CACNA1G: variants seen among roughly 807,000 people sequenced by gnomAD.
CACNA1G encodes the protein calcium voltage-gated channel subunit alpha1 G.
Under a neutral mutation model 219.4 loss-of-function variants are expected in CACNA1G, and 67 were observed. That is an observed-to-expected ratio of 0.31 (90% CI 0.25 to 0.37). The LOEUF is 0.37. Ranked by LOEUF, CACNA1G falls within the 10% of genes least tolerant of loss-of-function variation. The pLI is 1.00. For missense variants in CACNA1G, 2,380 were observed against 3,231.4 expected, an observed-to-expected ratio of 0.74 and a Z score of 6.39; for synonymous variants, 1,296 against 1,345.3, an observed-to-expected ratio of 0.96 and a Z score of 0.80.
chr17:50,619,069 G>A, intron 33 of CACNA1G, 61 bp downstream of exon 33: 1 of 1,341,314 alleles, frequency 7.5e-7, no homozygotes, highest in Non-Finnish European at 9.9e-7. Flanking sequence ...TGTGGAGGGT[G>A]GTGGGCGGGA....
rs1311583665 is a variant in CACNA1G, at chr17:50,599,475, C to A, written c.3306C>A (p.Ser1102Arg). The A allele has an allele frequency of 1.9e-6, 3 of 1,584,456 alleles. No homozygotes were observed. The change falls in exon 17 of 38, where the codon AGC (serine) becomes AGA (arginine). Residue 1102 changes from serine to arginine, a missense_variant. By Grantham distance (110) the Ser-to-Arg change is moderately radical (BLOSUM62 -1). Coordinates refer to ENST00000359106, the MANE Select transcript of CACNA1G (RefSeq NM_018896.5). ...SPHSPWSAAS[S>R]WTSRRSSRNS... is the part of the protein sequence containing the mutation. Reference sequence around the variant, plus strand: ...ACAGCCCCTGGAGCGCTGCAAGCAGCTGGACCAGCAGGCGCTCCAGCCGGA... The same window carrying A: ...ACAGCCCCTGGAGCGCTGCAAGCAGATGGACCAGCAGGCGCTCCAGCCGGA...
In CACNA1G at chr17:50,591,951, G is replaced by A. The variant is rs2145511306; in HGVS notation, c.2769G>A (p.Glu923=). The A allele has an allele frequency of 1.2e-6, 2 of 1,613,966 alleles. No homozygotes were observed. Among genetic ancestry groups the A allele is most frequent in the Middle Eastern group, 1.6e-4 (1 of 6,062 alleles). ...IVTVFQILTQ[E]DWNKVLYNGM... ...TCTGCCCGCAGATCCTGACCCAGGAGGACTGGAACAAAGTCCTCTACAATG... is the reference window on the plus strand; with the variant it reads ...TCTGCCCGCAGATCCTGACCCAGGAAGACTGGAACAAAGTCCTCTACAATG... Residue 923 remains glutamate, a synonymous_variant, in exon 13 of 38, where the codon GAG becomes GAA. Coordinates refer to ENST00000359106, the MANE Select transcript of CACNA1G (RefSeq NM_018896.5).
rs765921624 is a variant in CACNA1G, at chr17:50,596,518, A to C, written c.2980-44A>C. Reference sequence around the variant, plus strand: ...GAGGCCCGGTCCATCCCAACCACCCAAGCCTGGCCGGATCCCTAATGGTCC... The same window carrying C: ...GAGGCCCGGTCCATCCCAACCACCCCAGCCTGGCCGGATCCCTAATGGTCC... On this transcript the variant is annotated intron_variant, in intron 14 of 37. Coordinates refer to ENST00000359106, the MANE Select transcript of CACNA1G (RefSeq NM_018896.5). This position sits in a 1 kb window ranked among gnomAD's most constrained non-coding sequence, Gnocchi z 4.8. 6.4e-7 allele frequency: 1 copy of C among 1,559,620 alleles called. No individual in the cohort carries two copies. The highest frequency in any genetic ancestry group is 1.7e-5 in the Admixed American group (1 of 59,760).
At chr17:50,588,569 A>T (rs2043482949) in intron 9 of CACNA1G, among the ~76,000 whole-genome samples, 1 of 152,192 alleles carries the variant, frequency 6.6e-6, no homozygotes, top group Non-Finnish European at 1.5e-5. Flanking sequence ...CACCTCCTGT[A>T]CTGTGCTCAC....
chr17:50,603,108 G>A lies in CACNA1G; in HGVS notation c.4078G>A (p.Asp1360Asn), dbSNP rs764973866. 1.9e-6 allele frequency: 3 copies of A among 1,613,384 alleles called. No individual in the cohort carries two copies. Among genetic ancestry groups the A allele is most frequent in the Admixed American group, 1.7e-5 (1 of 60,010 alleles). The stretch of plus-strand genomic sequence containing the variant: ...GCTGTTGGTGCTCATCTCCGTCATC[G>A]ACATTCTGGTGTCCATGGTCTCTGA... Reference protein sequence around the residue: ...DGLLVLISVIDILVSMVSDSG... With the variant: ...DGLLVLISVINILVSMVSDSG... The change falls in exon 21 of 38, where the codon GAC (aspartate) becomes AAC (asparagine). Residue 1360 changes from aspartate to asparagine, a missense_variant. Coordinates refer to ENST00000359106, the MANE Select transcript of CACNA1G (RefSeq NM_018896.5). The surrounding 1 kb of genome is among the most constrained non-coding windows in gnomAD (Gnocchi z 6.4).
chr17:50,575,266 A>C (rs577828187), intron 7 of CACNA1G, among the ~76,000 whole-genome samples: 2 of 152,246 alleles, frequency 1.3e-5, no homozygotes, highest in East Asian at 3.9e-4. Flanking sequence ...AATATCTTGG[A>C]ATTTCATAGA....
intron 14 of CACNA1G, among the ~76,000 whole-genome samples, chr17:50,595,990 G>A (rs1429696441): frequency 6.6e-6 from 1 of 152,224 alleles, no homozygotes; most frequent in Non-Finnish European, 1.5e-5. Flanking sequence ...GAGACAGGGA[G>A]AGAGGTAAAA....
chr17:50,576,435 T>C, intron 8 of CACNA1G, 109 bp downstream of exon 8: 2 of 1,095,628 alleles, frequency 1.8e-6, no homozygotes, highest in Non-Finnish European at 2.7e-6. Flanking sequence ...TATATTCTCA[T>C]GCTGCCTCTC....
intron 4 of CACNA1G, among the ~76,000 whole-genome samples, chr17:50,570,222 G>A (rs1000915561): frequency 1.3e-5 from 2 of 152,176 alleles, no homozygotes; most frequent in East Asian, 1.9e-4. Flanking sequence ...CACGCTGAAC[G>A]TGACTTCTCT....
chr17:50,575,689 C>T lies in CACNA1G; in HGVS notation c.1287C>T (p.Pro429=), dbSNP rs746504110. 9.3e-6 allele frequency: 15 copies of T among 1,610,038 alleles called. No individual in the cohort carries two copies. The highest frequency in any genetic ancestry group is 1.3e-5 in the African/African-American group (1 of 74,848). Residue 429 remains proline (P), a synonymous_variant, in exon 8 of 38, where the codon CCC becomes CCT. Coordinates refer to ENST00000359106, the MANE Select transcript of CACNA1G (RefSeq NM_018896.5). ...GCACCCTGGCTAGCTTCTCTGAGCC[C>T]GGCAGCTGCTATGAGGAGCTGCTCA... ...NASTLASFSE[P]GSCYEELLKY... is the part of the protein sequence containing the mutation.
At chr17:50,604,476 C>T (rs1339530646) in intron 22 of CACNA1G, among the ~76,000 whole-genome samples, 195 bp downstream of exon 22, 1 of 152,236 alleles carries the variant, frequency 6.6e-6, no homozygotes, top group Non-Finnish European at 1.5e-5. Flanking sequence ...TAGAGGAAGG[C>T]CCCAAGGAGG....
chr17:50,604,577 G>A (rs1430287642), intron 22 of CACNA1G, among the ~76,000 whole-genome samples: 5 of 152,240 alleles, frequency 3.3e-5, no homozygotes, highest in Admixed American at 1.3e-4. Context: ...ACGCTGGCCC[G>A]CGGTCTACTC....
At chr17:50,601,254 AG>A (rs2046572774) in intron 19 of CACNA1G, 80 bp downstream of exon 19, 1 of 1,549,626 alleles carries the variant, frequency 6.5e-7, no homozygotes, top group Non-Finnish European at 8.8e-7. Context: ...AGGAGGCCAC[AG>A]TTGCTGACCT....
At chr17:50,598,619 T>A (rs78868121) in intron 16 of CACNA1G, among the ~76,000 whole-genome samples, 11 of 152,378 alleles carry the variant, frequency 7.2e-5, no homozygotes, top group Non-Finnish European at 1.5e-4. Flanking sequence ...GCGCTTGTTA[T>A]CTTTCATCAC....
In CACNA1G at chr17:50,596,795, G is replaced by A. The variant is rs1156636529; in HGVS notation, c.3130G>A (p.Ala1044Thr). 1 of 1,611,260 alleles carries A rather than the reference G, an allele frequency of 6.2e-7. No individual in the cohort carries two copies. Among genetic ancestry groups the A allele is most frequent in the Non-Finnish European group, 8.5e-7 (1 of 1,179,568 alleles). The change falls in exon 16 of 38, where the codon GCC becomes ACC. Residue 1044 changes from alanine (A) to threonine (T), a missense_variant. This residue lies in a region of CACNA1G where 418 missense variants were observed against 434.3 expected (regional missense o/e 0.96). Transcript: ENST00000359106. This position sits in a 1 kb window ranked among gnomAD's most constrained non-coding sequence, Gnocchi z 4.8. Reference sequence around the variant, plus strand: ...GCTGCCGCCTCTCATCATCCACACGGCCGCCACACCCATGTCGCTGCCCAA... The same window carrying A: ...GCTGCCGCCTCTCATCATCCACACGACCGCCACACCCATGTCGCTGCCCAA... ...SLLPPLIIHT[A>T]ATPMSLPKST...
At position 50,575,804 on chromosome 17, in the gene CACNA1G, C is replaced by A; in HGVS notation, c.1402C>A (p.Pro468Thr). 3.9e-6 allele frequency: 6 copies of A among 1,552,274 alleles called. No homozygotes were observed. The highest frequency in any genetic ancestry group is 5.2e-6 in the Non-Finnish European group (6 of 1,148,044). The change falls in exon 8 of 38, where the codon CCA becomes ACA. Residue 468 changes from proline (P) to threonine (T), a missense_variant. By Grantham distance (38) the Pro-to-Thr change is conservative (BLOSUM62 -1). Coordinates refer to ENST00000359106, the MANE Select transcript of CACNA1G (RefSeq NM_018896.5). ...AGVRVGLLSSPAPLGGQETQP... is the reference protein window; with the variant it reads ...AGVRVGLLSSTAPLGGQETQP... ...TGTGCGGGTTGGGCTGCTCAGCAGC[C>A]CAGCACCCCTCGGGGGCCAGGAGAC...
intron 10 of CACNA1G, 98 bp from the exon 11 acceptor site, chr17:50,591,337 C>T: frequency 1.6e-6 from 2 of 1,244,602 alleles, no homozygotes; most frequent in Non-Finnish European, 1.1e-6. Flanking sequence ...TCGACGTGCC[C>T]ACCCAGCCAG....
chr17:50,599,591 A>T lies in CACNA1G; in HGVS notation c.3422A>T (p.Asp1141Val), dbSNP rs770142650. 4 of 1,613,294 alleles carry T rather than the reference A, an allele frequency of 2.5e-6. No individual in the cohort carries two copies. The highest frequency in any genetic ancestry group is 3.4e-6 in the Non-Finnish European group (4 of 1,179,644). The part of the protein sequence containing the change: ...LLSGEGQESQ[D>V]EEESSEEERA... The stretch of plus-strand genomic sequence containing the variant: ...TCGGGAGAAGGCCAGGAGAGCCAGG[A>T]TGAAGAGGAGAGCTCAGAAGAGGAG... Residue 1141 changes from aspartate (D) to valine (V), a missense_variant, in exon 17 of 38, where the codon GAT becomes GTT. Physicochemically the swap from Asp to Val is radical, Grantham distance 152. Transcript: ENST00000359106.
chr17:50,609,114 A>T (rs1302346587), intron 25 of CACNA1G, among the ~76,000 whole-genome samples: 1 of 152,008 alleles, frequency 6.6e-6, no homozygotes, highest in Admixed American at 6.6e-5. Flanking sequence ...ACATGTGAGT[A>T]CCACCAAATG....
Sources: gnomAD v4.1 joint callset for allele counts (sites outside exome capture counted in the v4.1 genomes callset) on GRCh38, gnomAD v4.1.1 for gene constraint, gnomAD v4.1.1 regional missense constraint, Gnocchi (gnomAD v3.1) non-coding constraint, MANE v1.5 for transcripts, NCBI Gene and HGNC (gene_info 2026-07-23, HGNC 2026-07-21) for gene names.